ZNF469: variants seen among roughly 807,000 people sequenced by gnomAD.
ZNF469 encodes the protein zinc finger protein 469.
ZNF469 carries 1 observed loss-of-function variant against 1.0 expected under a neutral mutation model. The observed-to-expected ratio is 1.00, with a 90% CI of 0.35 to 4.73. ZNF469 has a LOEUF of 4.73. Ranked by LOEUF, ZNF469 falls within the 30% of genes most tolerant of loss-of-function variation. The pLI is 0.16. For missense variants in ZNF469, 6,100 were observed against 5,356.3 expected, an observed-to-expected ratio of 1.14 and a Z score of -4.33; for synonymous variants, 2,703 against 2,363.4, an observed-to-expected ratio of 1.14 and a Z score of -4.17.
chr16:88,244,041 A>C, the ZNF469 span, among the ~76,000 whole-genome samples: 1 of 138,996 alleles, frequency 7.2e-6, no homozygotes, highest in African/African-American at 2.7e-5. Flanking sequence ...TCATCGGTGG[A>C]TGGGTGAATG....
chr16:88,164,450 CGGAT>C, the ZNF469 span, among the ~76,000 whole-genome samples: 3 of 138,362 alleles, frequency 2.2e-5, no homozygotes, highest in African/African-American at 9.0e-5. Context: ...AATGGATGCA[CGGAT>C]GGATGGATAG....
chr16:88,351,993 C>T, the ZNF469 span, among the ~76,000 whole-genome samples: 1 of 152,220 alleles, frequency 6.6e-6, no homozygotes, highest in Non-Finnish European at 1.5e-5. Context: ...TGGTGACGCT[C>T]ACCACGACAC....
the ZNF469 span, among the ~76,000 whole-genome samples, chr16:88,142,004 G>A: frequency 6.6e-6 from 1 of 152,242 alleles, no homozygotes; most frequent in Non-Finnish European, 1.5e-5. Context: ...GCCGCAGGAG[G>A]CTACGCAGAC....
chr16:88,354,687 G>A, the ZNF469 span, among the ~76,000 whole-genome samples: 3 of 152,158 alleles, frequency 2.0e-5, no homozygotes, highest in Non-Finnish European at 2.9e-5. Flanking sequence ...GTGTCTAAAC[G>A]CTCTTTGAAT....
chr16:88,120,286 G>T, the ZNF469 span, among the ~76,000 whole-genome samples: 10 of 152,238 alleles, frequency 6.6e-5, no homozygotes, highest in Non-Finnish European at 1.5e-4. Flanking sequence ...CTTTCTCTGG[G>T]GTCCTTGCAG....
Position 88,429,955 on chromosome 16 carries a change from G to C in ZNF469, c.2485G>C (p.Ala829Pro). The C allele has an allele frequency of 6.5e-7, 1 of 1,550,324 alleles. No individual in the cohort carries two copies. The highest frequency in any genetic ancestry group is 8.7e-7 in the Non-Finnish European group (1 of 1,146,954). ...GGCCGCCACCCCCTTCCCGCTCCCT[G>C]CCTCGGACCTGGACATGGAGGATGA... Reference protein sequence around the residue: ...SLAATPFPLPASDLDMEDDAK... With the variant: ...SLAATPFPLPPSDLDMEDDAK... Residue 829 changes from alanine (A) to proline (P), a missense_variant, in exon 3 of 3, where the codon GCC becomes CCC. Physicochemically the swap from Ala to Pro is conservative, Grantham distance 27 (BLOSUM62 -1). Transcript: ENST00000565624.
the ZNF469 span, among the ~76,000 whole-genome samples, chr16:88,323,290 C>G: frequency 6.6e-6 from 1 of 152,168 alleles, no homozygotes; most frequent in Non-Finnish European, 1.5e-5. Flanking sequence ...GACACGTGTC[C>G]CAGGCCCTGA....
At chr16:88,398,718 G>A (rs1904770191) in intron 1 of ZNF469, among the ~76,000 whole-genome samples, 1 of 152,152 alleles carries the variant, frequency 6.6e-6, no homozygotes, top group African/African-American at 2.4e-5. Context: ...CACAAATGAA[G>A]GGAACACGTG....
chr16:88,430,178 C>A lies in ZNF469; in HGVS notation c.2708C>A (p.Ala903Glu). The change falls in exon 3 of 3, where the codon GCA becomes GAA. Residue 903 changes from alanine (A) to glutamate (E), a missense_variant. Transcript: ENST00000565624. ...PESKAPPPLP[A>E]ATPDPQTPRP... ...AGCAAAGCTCCGCCCCCGCTCCCAG[C>A]AGCCACGCCGGACCCCCAAACCCCC... 2 of 1,548,292 alleles carry A rather than the reference C, an allele frequency of 1.3e-6. No homozygotes were observed. The highest frequency in any genetic ancestry group is 2.4e-5 in the South Asian group (2 of 84,030).
At chr16:88,190,104 TG>T in the ZNF469 span, among the ~76,000 whole-genome samples, 1 of 146,076 alleles carries the variant, frequency 6.8e-6, no homozygotes, top group Non-Finnish European at 1.5e-5. Context: ...TACATGGGGC[TG>T]GGGGCTTTAG....
chr16:88,374,806 G>A, the ZNF469 span, among the ~76,000 whole-genome samples: 368 of 146,206 alleles, frequency 2.5e-3, 3 homozygotes, highest in African/African-American at 9.2e-3. Flanking sequence ...CTGCTGAGCT[G>A]TGAGCGGCTG....
At chr16:88,356,805 C>T in the ZNF469 span, among the ~76,000 whole-genome samples, 2 of 152,344 alleles carry the variant, frequency 1.3e-5, no homozygotes, top group East Asian at 3.9e-4. Context: ...GGCCTGGAAG[C>T]TCCCCGGGGC....
the ZNF469 span, among the ~76,000 whole-genome samples, chr16:88,348,620 G>A: frequency 6.6e-6 from 1 of 152,330 alleles, no homozygotes; most frequent in African/African-American, 2.4e-5. Context: ...GGTCAAACAG[G>A]TGAGGGACAG....
chr16:88,185,664 C>CT, the ZNF469 span, among the ~76,000 whole-genome samples: 832 of 151,982 alleles, frequency 5.5e-3, 25 homozygotes, highest in East Asian at 0.037. Flanking sequence ...TATATGCACA[C>CT]ACTCATGTGC....
chr16:88,411,522 G>GCAGGCAGGGGTGCA (rs1567504100), intron 1 of ZNF469, among the ~76,000 whole-genome samples: 25 of 33,802 alleles, frequency 7.4e-4, no homozygotes, highest in African/African-American at 1.9e-3. Flanking sequence ...GCAGGGGTGC[G>GCAGGCAGGGGTGCA]AGCGGGCAGG....
chr16:88,433,281 C>T lies in ZNF469; in HGVS notation c.5811C>T (p.Pro1937=). ...PAAQSPPRVN[P]SGLEGGTVEG... ...CCCAGAGCCCTCCACGAGTGAACCC[C>T]TCAGGTCTGGAAGGGGGCACTGTGG... is the stretch of plus-strand genomic sequence containing the variant. Residue 1937 remains proline, a synonymous_variant, in exon 3 of 3, where the codon CCC becomes CCT. Coordinates refer to ENST00000565624, the MANE Select transcript of ZNF469 (RefSeq NM_001367624.2). The T allele has an allele frequency of 6.4e-7, 1 of 1,550,394 alleles. No individual in the cohort carries two copies. Among genetic ancestry groups the T allele is most frequent in the Non-Finnish European group, 8.7e-7 (1 of 1,146,974 alleles).
chr16:88,316,540 G>A, the ZNF469 span, among the ~76,000 whole-genome samples: 1 of 82,554 alleles, frequency 1.2e-5, no homozygotes, highest in East Asian at 7.8e-4. Flanking sequence ...GAGTATAGGT[G>A]CTGTCTTTTT....
At chr16:88,233,442 G>C in the ZNF469 span, among the ~76,000 whole-genome samples, 1 of 152,214 alleles carries the variant, frequency 6.6e-6, no homozygotes, top group Non-Finnish European at 1.5e-5. Flanking sequence ...TGGGCCGTGG[G>C]CTCACTTTGT....
chr16:88,381,641 G>T (rs1015071878), upstream of ZNF469, among the ~76,000 whole-genome samples: 2 of 152,242 alleles, frequency 1.3e-5, no homozygotes, highest in Non-Finnish European at 2.9e-5. Context: ...GAGATCCCAG[G>T]ACCTGGAGGC....
Sources: gnomAD v4.1 joint callset for allele counts (sites outside exome capture counted in the v4.1 genomes callset) on GRCh38, gnomAD v4.1.1 for gene constraint, MANE v1.5 for transcripts, NCBI Gene and HGNC (gene_info 2026-07-23, HGNC 2026-07-21) for gene names.